The following LVRN variants were observed in gnomAD, a reference collection of about 807,000 sequenced individuals.
LVRN encodes laeverin.
Under a neutral mutation model 111.4 loss-of-function variants are expected in LVRN, and 99 were observed. That is an observed-to-expected ratio of 0.89 (90% CI 0.76 to 1.05). The LOEUF is 1.05. LVRN is among the 50% of genes least tolerant of loss of function. The pLI is 0.00. For missense variants in LVRN, 1,414 were observed against 1,206.8 expected, an observed-to-expected ratio of 1.17 and a Z score of -2.54; for synonymous variants, 488 against 449.5, an observed-to-expected ratio of 1.09 and a Z score of -1.08.
At chr5:116,009,745 C>G (rs1315837474) in intron 13 of LVRN, among the ~76,000 whole-genome samples, 1 of 152,174 alleles carries the variant, frequency 6.6e-6, no homozygotes, top group Admixed American at 6.5e-5. Context: ...GCTGCAATCT[C>G]ATGATCAAAC....
At chr5:115,975,274 T>C in intron 1 of LVRN, 1 of 398,900 alleles carries the variant, frequency 2.5e-6, no homozygotes, top group Non-Finnish European at 4.8e-6. Flanking sequence ...TAAAACCAAG[T>C]AGGTTACACT....
intron 1 of LVRN, among the ~76,000 whole-genome samples, chr5:115,968,833 G>A (rs1289712374): frequency 6.6e-6 from 1 of 152,194 alleles, no homozygotes; most frequent in Non-Finnish European, 1.5e-5. Context: ...GTGTGACTGA[G>A]AAAGGAAGGA....
chr5:115,994,756 T>C (rs1748069694), intron 6 of LVRN, among the ~76,000 whole-genome samples: 1 of 152,226 alleles, frequency 6.6e-6, no homozygotes, highest in African/African-American at 2.4e-5. Context: ...TTACTTCTGA[T>C]ATTTAATTTA....
At chr5:115,979,422 C>T (rs879943042) in intron 1 of LVRN, among the ~76,000 whole-genome samples, 3 of 152,058 alleles carry the variant, frequency 2.0e-5, no homozygotes, top group Non-Finnish European at 4.4e-5. Flanking sequence ...GCGTGGAAAG[C>T]TTGGCAAAGT....
At chr5:116,008,428 C>T (rs1265822265) in intron 13 of LVRN, among the ~76,000 whole-genome samples, 2 of 151,932 alleles carry the variant, frequency 1.3e-5, no homozygotes, top group Admixed American at 1.3e-4. Context: ...AAGGGGGAGT[C>T]CTGAATCTTT....
chr5:116,008,879 G>C (rs965757596), intron 13 of LVRN, among the ~76,000 whole-genome samples: 1 of 152,206 alleles, frequency 6.6e-6, no homozygotes, highest in African/African-American at 2.4e-5. Context: ...TGATGTAGAA[G>C]TTATAGTAAG....
intron 13 of LVRN, among the ~76,000 whole-genome samples, chr5:116,007,673 C>T (rs73263165): frequency 0.011 from 1,641 of 152,218 alleles, 30 homozygotes; most frequent in African/African-American, 0.037. Flanking sequence ...TACAGGCATA[C>T]CTCGTTTTAT....
intron 1 of LVRN, among the ~76,000 whole-genome samples, chr5:115,964,791 A>G (rs570311211): frequency 6.6e-6 from 1 of 152,366 alleles, no homozygotes; most frequent in South Asian, 2.1e-4. Flanking sequence ...TTAAAATTCA[A>G]GCAAGAAGAA....
chr5:116,012,607 A>G (rs1748515223), intron 15 of LVRN, 139 bp downstream of exon 15: 3 of 564,258 alleles, frequency 5.3e-6, no homozygotes, highest in Non-Finnish European at 9.1e-6. Context: ...ACAATAGCTC[A>G]GAGGTTGGTG....
At chr5:116,025,756 A>C (rs1015813513) in intron 19 of LVRN, among the ~76,000 whole-genome samples, 1 of 152,124 alleles carries the variant, frequency 6.6e-6, no homozygotes, top group Non-Finnish European at 1.5e-5. Context: ...TGCTTCATGC[A>C]CCTTCCTGTC....
chr5:116,008,439 C>G (rs960659315), intron 13 of LVRN, among the ~76,000 whole-genome samples: 7 of 152,082 alleles, frequency 4.6e-5, no homozygotes, highest in Non-Finnish European at 1.0e-4. Flanking sequence ...CTGAATCTTT[C>G]ACTTTAAATC....
intron 19 of LVRN, 82 bp downstream of exon 19, chr5:116,022,548 T>C: frequency 1.1e-6 from 1 of 898,056 alleles, no homozygotes; most frequent in Non-Finnish European, 1.8e-6. Context: ...AAATTAAAAA[T>C]AATATGCTTA....
rs895718192 is a variant in LVRN at position 116,013,004 on chromosome 5, T to C, written c.2342+536T>C. ...GAGAGTAAGCATATTGTCATGGTGG[T>C]CTAGGAAGGAGGCAAGAGGCAAAAT... On this transcript the variant is annotated intron_variant, in intron 15 of 19. Coordinates refer to ENST00000357872, the MANE Select transcript of LVRN (RefSeq NM_173800.5). Among the ~76,000 whole-genome samples, 9 of 152,168 alleles carry C rather than the reference T, an allele frequency of 5.9e-5. No individual in the cohort carries two copies. In the East Asian group the frequency reaches 1.7e-3, roughly 29 times the overall value.
intron 1 of LVRN, among the ~76,000 whole-genome samples, chr5:115,968,452 T>A (rs1753249181): frequency 6.6e-6 from 1 of 150,754 alleles, no homozygotes; most frequent in Non-Finnish European, 1.5e-5. Flanking sequence ...TTTTTTTTTT[T>A]TTCAGAGATG....
chr5:115,975,025 A>G, intron 1 of LVRN: 1 of 345,036 alleles, frequency 2.9e-6, no homozygotes, highest in Non-Finnish European at 5.7e-6. Flanking sequence ...TTTGGATATA[A>G]ATTCATTTTT....
chr5:116,020,453 A>T (rs141283691), intron 18 of LVRN, among the ~76,000 whole-genome samples: 6 of 152,356 alleles, frequency 3.9e-5, no homozygotes, highest in African/African-American at 1.4e-4. Context: ...AATACAGAGC[A>T]TGATCAGTTT....
At chr5:116,003,580 T>C (rs1748288140) in intron 12 of LVRN, among the ~76,000 whole-genome samples, 200 bp downstream of exon 12, 1 of 84,370 alleles carries the variant, frequency 1.2e-5, no homozygotes. Context: ...TTTTTTTTGT[T>C]TTTTTTGTTT....
In LVRN at chr5:115,999,759, T is replaced by C. The variant is rs568697690; in HGVS notation, c.1375-3T>C. ...TAATGTGCCTCCATCTTTTCCTTTA[T>C]AGAATGAGATCTTTTTTTCTAACAT... On this transcript the variant is annotated splice_polypyrimidine_tract_variant and splice_region_variant and intron_variant, in intron 6 of 19. Coordinates refer to ENST00000357872, the MANE Select transcript of LVRN (RefSeq NM_173800.5). 33 of 1,613,246 alleles carry C rather than the reference T, an allele frequency of 2.0e-5. No homozygotes were observed. Among genetic ancestry groups the C allele is most frequent in the African/African-American group, 1.9e-4 (14 of 75,020 alleles).
Position 116,014,565 on chromosome 5 carries a change from A to G in LVRN, c.2450+38A>G, listed in dbSNP as rs148970495. 1,208 of 1,533,836 alleles carry G rather than the reference A, an allele frequency of 7.9e-4. 13 individuals are homozygous for G. The East Asian group carries it at 0.022, about 28-fold the overall frequency. ...TCATAATTCCTCTTGTTTTTGTCCT[A>G]TTTTAGCACCAGCAATTTCCCTTTT... On this transcript the variant is annotated intron_variant, in intron 16 of 19. Transcript: ENST00000357872.
Sources: allele counts gnomAD v4.1 joint callset (sites outside exome capture counted in the v4.1 genomes callset), GRCh38; gene constraint gnomAD v4.1.1; transcripts MANE v1.5; gene names NCBI Gene and HGNC (gene_info 2026-07-23, HGNC 2026-07-21).